Variants in TENM1 observed in about 807,000 individuals in gnomAD.
The protein encoded by TENM1 is teneurin transmembrane protein 1, also known as teneurin-1.
In TENM1, 35 loss-of-function variants were observed where a neutral mutation model predicts 174.8. That is an observed-to-expected ratio of 0.20 (90% CI 0.15 to 0.27). TENM1 has a LOEUF of 0.27. Among genes scored for constraint, TENM1 ranks in the 10% least tolerant of loss-of-function variants. TENM1 has a pLI of 1.00. For missense variants in TENM1, 1,633 were observed against 2,130.1 expected, an observed-to-expected ratio of 0.77 and a Z score of 4.59; for synonymous variants, 781 against 798.7, an observed-to-expected ratio of 0.98 and a Z score of 0.37.
the TENM1 span, among the ~76,000 whole-genome samples, chrX:125,059,515 A>G: frequency 4.5e-5 from 5 of 110,804 alleles, no homozygotes; most frequent in African/African-American, 1.6e-4. Context: ...TTTATCAGCT[A>G]TAGTCCTCAT....
the TENM1 span, among the ~76,000 whole-genome samples, chrX:125,161,776 A>G: frequency 8.9e-6 from 1 of 112,364 alleles, no homozygotes; most frequent in African/African-American, 3.2e-5. Flanking sequence ...TAAATGGGTG[A>G]GTTTTATTTT....
At chrX:124,991,877 A>G in the TENM1 span, among the ~76,000 whole-genome samples, 2 of 111,439 alleles carry the variant, frequency 1.8e-5, no homozygotes, top group Admixed American at 9.6e-5. Context: ...AACCTCTATT[A>G]GTATTTCACC....
chrX:125,107,919 T>C, the TENM1 span, among the ~76,000 whole-genome samples: 1 of 112,163 alleles, frequency 8.9e-6, no homozygotes, highest in African/African-American at 3.2e-5. Context: ...CCAAATGCTG[T>C]GGTCCCAGGT....
In TENM1 at chrX:124,553,120, A is replaced by T. The variant is rs151264356; in HGVS notation, c.2435-6030T>A. Among the ~76,000 whole-genome samples the T allele has an allele frequency of 0.046, 5,168 of 111,345 alleles. 449 individuals carry two copies. The East Asian group carries it at 0.56, about 12-fold the overall frequency. On this transcript the variant is annotated intron_variant, in intron 14 of 31. Transcript: ENST00000422452. ...CCCTCAAGCATTTATCCTTTGTGTT[A>T]CAAACAATCCAATTATACTATTTTA...
At chrX:124,526,116 T>C (rs2047970039) in intron 16 of TENM1, among the ~76,000 whole-genome samples, 1 of 111,781 alleles carries the variant, frequency 8.9e-6, no homozygotes, top group South Asian at 3.8e-4. Flanking sequence ...CCAATCTAGG[T>C]ATTGCTGTGG....
At chrX:124,430,416 G>A (rs779010386) in intron 23 of TENM1, among the ~76,000 whole-genome samples, 102 of 112,204 alleles carry the variant, frequency 9.1e-4, no homozygotes, top group African/African-American at 3.0e-3. Context: ...ACCTTGGCAC[G>A]AATCAGTTAA....
chrX:125,134,585 A>G, the TENM1 span, among the ~76,000 whole-genome samples: 1 of 111,859 alleles, frequency 8.9e-6, no homozygotes, highest in Non-Finnish European at 1.9e-5. Context: ...CAATTATGAC[A>G]CAGGTTTGCT....
chrX:124,566,396 T>C (rs1467164367), intron 11 of TENM1, among the ~76,000 whole-genome samples: 1 of 112,294 alleles, frequency 8.9e-6, no homozygotes, highest in African/African-American at 3.2e-5. Flanking sequence ...TTTGTCCCTT[T>C]GACTTTTTGT....
chrX:124,647,368 A>G (rs1324250721), intron 8 of TENM1, among the ~76,000 whole-genome samples: 1 of 111,921 alleles, frequency 8.9e-6, no homozygotes, highest in Non-Finnish European at 1.9e-5. Context: ...CACTAAAAGC[A>G]TTAGAACCTA....
intron 25 of TENM1, among the ~76,000 whole-genome samples, chrX:124,409,190 T>C (rs1201847813): frequency 6.3e-5 from 7 of 110,589 alleles, no homozygotes; most frequent in Non-Finnish European, 1.3e-4. Flanking sequence ...TACCCAGTAA[T>C]GGGATGGCTG....
At chrX:125,095,327 G>T in the TENM1 span, among the ~76,000 whole-genome samples, 705 of 111,887 alleles carry the variant, frequency 6.3e-3, 3 homozygotes, top group African/African-American at 0.022. Context: ...TTAATAAGTA[G>T]TTGGGGCTAA....
At chrX:124,599,756 C>A (rs767444723) in intron 11 of TENM1, among the ~76,000 whole-genome samples, 23 of 110,758 alleles carry the variant, frequency 2.1e-4, no homozygotes, top group African/African-American at 7.5e-4. Context: ...ATAGTGACAG[C>A]TGTTTTAGCG....
intron 1 of TENM1, among the ~76,000 whole-genome samples, chrX:124,904,919 T>C (rs940456926): frequency 8.0e-5 from 9 of 111,887 alleles, no homozygotes; most frequent in African/African-American, 2.6e-4. Context: ...AGATAGAATT[T>C]ATCATCTCAG....
chrX:124,982,235 C>A, the TENM1 span, among the ~76,000 whole-genome samples: 5 of 42,704 alleles, frequency 1.2e-4, 2 homozygotes, highest in Admixed American at 1.1e-3. Flanking sequence ...TGAAATTAGA[C>A]TCCACTATGC....
At chrX:124,563,023 G>A (rs1011231231) in intron 13 of TENM1, among the ~76,000 whole-genome samples, 9 of 112,113 alleles carry the variant, frequency 8.0e-5, no homozygotes, top group African/African-American at 2.9e-4. Context: ...AAAGCTTGAT[G>A]TACGTAATAT....
chrX:124,872,106 A>C (rs2057122042), intron 3 of TENM1, among the ~76,000 whole-genome samples: 2 of 109,927 alleles, frequency 1.8e-5, no homozygotes, highest in Non-Finnish European at 3.8e-5. Context: ...CTGAGATAAG[A>C]AGAAAACTGA....
At chrX:124,971,250 C>T in the TENM1 span, among the ~76,000 whole-genome samples, 3 of 110,108 alleles carry the variant, frequency 2.7e-5, no homozygotes, top group Non-Finnish European at 5.7e-5. Flanking sequence ...CAAACCTGCA[C>T]GTTGTGCACA....
the TENM1 span, among the ~76,000 whole-genome samples, chrX:125,085,341 T>C: frequency 3.6e-5 from 4 of 111,239 alleles, no homozygotes; most frequent in African/African-American, 1.3e-4. Flanking sequence ...CTTTCATCAT[T>C]AGTACTAATA....
intron 1 of TENM1, among the ~76,000 whole-genome samples, chrX:124,918,368 T>A (rs946511074): frequency 9.1e-6 from 1 of 109,724 alleles, no homozygotes; most frequent in Non-Finnish European, 1.9e-5. Flanking sequence ...TTAATAGGGA[T>A]GGGGTTTCAC....
Sources: allele counts gnomAD v4.1 joint callset (sites outside exome capture counted in the v4.1 genomes callset), GRCh38; gene constraint gnomAD v4.1.1; transcripts MANE v1.5; gene names NCBI Gene and HGNC (gene_info 2026-07-23, HGNC 2026-07-21).